RAP1GAP2: variants seen among roughly 807,000 people sequenced by gnomAD.
RAP1GAP2 encodes rap1 GTPase-activating protein 2.
In RAP1GAP2, 27 loss-of-function variants were observed where a neutral mutation model predicts 95.0. The ratio of observed to expected loss-of-function variants is 0.28; its 90% CI spans 0.21 to 0.39. The LOEUF is 0.39. Ranked by LOEUF, RAP1GAP2 falls within the 10% of genes least tolerant of loss-of-function variation. The pLI is 1.00. For missense variants in RAP1GAP2, 771 were observed against 970.0 expected, an observed-to-expected ratio of 0.79 and a Z score of 2.72; for synonymous variants, 373 against 380.9, an observed-to-expected ratio of 0.98 and a Z score of 0.24.
intron 2 of RAP1GAP2, among the ~76,000 whole-genome samples, chr17:2,836,947 G>A (rs970326640): frequency 1.3e-5 from 2 of 151,978 alleles, no homozygotes; most frequent in African/African-American, 4.8e-5. Flanking sequence ...TAGTGGATTG[G>A]TGAATAGAGT....
chr17:3,005,040 G>A lies in RAP1GAP2; in HGVS notation c.1201-329G>A, dbSNP rs1476487208. 2.0e-5 allele frequency among the ~76,000 whole-genome samples: 3 copies of A among 152,064 alleles called. No homozygotes were observed. The highest frequency in any genetic ancestry group is 2.1e-4 in the South Asian group (1 of 4,810). On this transcript the variant is annotated intron_variant, in intron 14 of 24. Coordinates refer to ENST00000254695, the MANE Select transcript of RAP1GAP2 (RefSeq NM_015085.5). The surrounding 1 kb of genome is among the most constrained non-coding windows in gnomAD (Gnocchi z 5.2). ...CCTGTGCCTTCTCAGTAGGATTAGC[G>A]TCACGGTCGAATGAGGTCACGAGAT... is the stretch of plus-strand genomic sequence containing the variant.
At chr17:2,944,684 A>G (rs918780129) in intron 3 of RAP1GAP2, among the ~76,000 whole-genome samples, 3 of 151,646 alleles carry the variant, frequency 2.0e-5, no homozygotes, top group Non-Finnish European at 4.4e-5. Flanking sequence ...TAGGATTCTG[A>G]TAGAGATCGC....
chr17:2,844,028 AT>A (rs2071477433), intron 2 of RAP1GAP2, among the ~76,000 whole-genome samples: 1 of 151,296 alleles, frequency 6.6e-6, no homozygotes, highest in African/African-American at 2.4e-5. Flanking sequence ...ATTTTTATTT[AT>A]TTATTTTTTG....
chr17:2,983,591 A>G (rs2045452302), intron 10 of RAP1GAP2, among the ~76,000 whole-genome samples: 1 of 152,234 alleles, frequency 6.6e-6, no homozygotes, highest in Non-Finnish European at 1.5e-5. Flanking sequence ...AGATCACTCA[A>G]GTCGAAAGTA....
chr17:2,776,995 G>T (rs1026244272), upstream of RAP1GAP2: 8 of 152,548 alleles, frequency 5.2e-5, no homozygotes, highest in African/African-American at 1.9e-4. Flanking sequence ...GGATCGGGAC[G>T]TGAGTCCTGG....
intron 1 of RAP1GAP2, among the ~76,000 whole-genome samples, chr17:2,763,972 C>T (rs1355452999): frequency 2.6e-5 from 4 of 151,926 alleles, no homozygotes; most frequent in Non-Finnish European, 4.4e-5. Context: ...TCTGTCAGCC[C>T]GGGAGAGACC....
chr17:2,950,891 G>T (rs1052071293), intron 3 of RAP1GAP2, among the ~76,000 whole-genome samples: 1 of 152,264 alleles, frequency 6.6e-6, no homozygotes, highest in South Asian at 2.1e-4. Context: ...GATTATAGGC[G>T]TGAGCCACCG....
At chr17:2,850,236 A>G (rs1205405656) in intron 2 of RAP1GAP2, among the ~76,000 whole-genome samples, 3 of 149,516 alleles carry the variant, frequency 2.0e-5, no homozygotes, top group South Asian at 2.1e-4. Context: ...TCCTGACCTC[A>G]TGATCCGCCC....
intron 2 of RAP1GAP2, among the ~76,000 whole-genome samples, chr17:2,885,951 G>A (rs924527470): frequency 9.9e-5 from 15 of 152,086 alleles, no homozygotes; most frequent in Admixed American, 3.9e-4. Flanking sequence ...CCGAAATGCC[G>A]GCCTTTTCTC....
chr17:2,918,300 G>A lies in RAP1GAP2; in HGVS notation c.165+12932G>A, dbSNP rs567125128. On this transcript the variant is annotated intron_variant, in intron 3 of 24. Coordinates refer to ENST00000254695, the MANE Select transcript of RAP1GAP2 (RefSeq NM_015085.5). ...ATACAAAAATTAGTTGGGCATGGTG[G>A]CGAGCGCCTATAATCCCAGCTATTT... 3.3e-5 allele frequency among the ~76,000 whole-genome samples: 5 copies of A among 152,104 alleles called. No individual in the cohort carries two copies. The South Asian group carries it at 6.2e-4, about 19-fold the overall frequency.
intron 2 of RAP1GAP2, among the ~76,000 whole-genome samples, chr17:2,895,328 C>T (rs73312061): frequency 6.6e-6 from 1 of 152,178 alleles, no homozygotes; most frequent in East Asian, 1.9e-4. Flanking sequence ...CCTTCTCCTC[C>T]TCAGAGGCAG....
intron 2 of RAP1GAP2, among the ~76,000 whole-genome samples, chr17:2,882,114 C>G (rs2073323970): frequency 7.3e-6 from 1 of 136,916 alleles, no homozygotes; most frequent in South Asian, 2.3e-4. Context: ...GCCACTGTGC[C>G]TGGCCTTTTT....
chr17:2,878,524 G>A (rs1394464620), intron 2 of RAP1GAP2, among the ~76,000 whole-genome samples: 3 of 152,168 alleles, frequency 2.0e-5, no homozygotes, highest in South Asian at 4.1e-4. Flanking sequence ...AAGGGCGTTG[G>A]TTAGGTGGTC....
chr17:2,806,577 A>T (rs1209570692), intron 2 of RAP1GAP2, among the ~76,000 whole-genome samples: 1 of 149,336 alleles, frequency 6.7e-6, no homozygotes, highest in Non-Finnish European at 1.5e-5. Context: ...ATTTTTTTTT[A>T]GTAGAGGCGG....
At chr17:2,854,715 G>A (rs1297162624) in intron 2 of RAP1GAP2, among the ~76,000 whole-genome samples, 1 of 152,246 alleles carries the variant, frequency 6.6e-6, no homozygotes, top group Non-Finnish European at 1.5e-5. Flanking sequence ...TGTGTGGTGG[G>A]AGGTGTGGGG....
At chr17:2,801,273 C>A (rs1323339417) in intron 2 of RAP1GAP2, among the ~76,000 whole-genome samples, 10 of 151,062 alleles carry the variant, frequency 6.6e-5, no homozygotes, top group Admixed American at 4.6e-4. Flanking sequence ...TCAGGAGTTC[C>A]AGACCAGCCT....
chr17:2,841,586 G>A (rs528116829), intron 2 of RAP1GAP2, among the ~76,000 whole-genome samples: 5 of 152,162 alleles, frequency 3.3e-5, no homozygotes, highest in South Asian at 4.1e-4. Flanking sequence ...GATTACAGGC[G>A]TGAGCCACCG....
intron 2 of RAP1GAP2, among the ~76,000 whole-genome samples, chr17:2,895,868 G>C (rs931443929): frequency 6.6e-6 from 1 of 152,084 alleles, no homozygotes; most frequent in East Asian, 1.9e-4. Context: ...GTGAGCCACC[G>C]CGCCCGGCCT....
chr17:2,834,164 T>G (rs150528839), intron 2 of RAP1GAP2, among the ~76,000 whole-genome samples: 68 of 152,258 alleles, frequency 4.5e-4, no homozygotes, highest in African/African-American at 1.6e-3. Context: ...GAGTTGGCTG[T>G]GGGATTGACC....
Sources: gnomAD v4.1 joint callset for allele counts (sites outside exome capture counted in the v4.1 genomes callset) on GRCh38, gnomAD v4.1.1 for gene constraint, Gnocchi (gnomAD v3.1) non-coding constraint, MANE v1.5 for transcripts, NCBI Gene and HGNC (gene_info 2026-07-23, HGNC 2026-07-21) for gene names.